The following GULP1 variants were observed in gnomAD, a reference collection of about 807,000 sequenced individuals.
GULP1 encodes PTB domain-containing engulfment adapter protein 1.
GULP1 carries 19 observed loss-of-function variants against 40.9 expected under a neutral mutation model. That is an observed-to-expected ratio of 0.46 (90% confidence interval 0.32 to 0.68). GULP1 has a LOEUF of 0.68. GULP1 is among the 30% of genes least tolerant of loss of function. GULP1 has a pLI of 0.03. For synonymous variants in GULP1, 119 were observed against 117.6 expected (o/e 1.01, Z -0.08); for missense variants, 312 against 362.2 (o/e 0.86, Z 1.12).
chr2:188,295,451 C>T (rs755873705), intron 1 of GULP1, among the ~76,000 whole-genome samples: 1 of 152,042 alleles, frequency 6.6e-6, no homozygotes, highest in Non-Finnish European at 1.5e-5. Flanking sequence ...CATTTATTGC[C>T]TATGTTTCTG....
chr2:188,566,571 G>A (rs981490659), intron 7 of GULP1, among the ~76,000 whole-genome samples: 2 of 151,828 alleles, frequency 1.3e-5, no homozygotes, highest in African/African-American at 4.8e-5. Flanking sequence ...CAAGGCGGGT[G>A]GATCACCTGT....
chr2:188,382,138 A>C (rs1380454934), intron 1 of GULP1, among the ~76,000 whole-genome samples: 1 of 152,156 alleles, frequency 6.6e-6, no homozygotes, highest in Non-Finnish European at 1.5e-5. Context: ...CAGACTGGCA[A>C]AATTTCTAAT....
At chr2:188,446,051 C>T (rs2058356972) in intron 2 of GULP1, among the ~76,000 whole-genome samples, 1 of 152,110 alleles carries the variant, frequency 6.6e-6, no homozygotes, top group Non-Finnish European at 1.5e-5. Flanking sequence ...CCACCATCTC[C>T]TAGAAAGGCT....
chr2:188,518,279 A>C (rs1024065927), intron 4 of GULP1, among the ~76,000 whole-genome samples: 1 of 152,192 alleles, frequency 6.6e-6, no homozygotes, highest in Non-Finnish European at 1.5e-5. Context: ...AGAGCCGACA[A>C]GAAGAAAAAA....
At chr2:188,462,274 G>A (rs2059769382) in intron 2 of GULP1, among the ~76,000 whole-genome samples, 1 of 151,952 alleles carries the variant, frequency 6.6e-6, no homozygotes, top group South Asian at 2.1e-4. Flanking sequence ...TTATTCCACT[G>A]TGGTCTGAAG....
At chr2:188,411,439 C>T (rs1239401587) in intron 2 of GULP1, among the ~76,000 whole-genome samples, 1 of 152,158 alleles carries the variant, frequency 6.6e-6, no homozygotes, top group Non-Finnish European at 1.5e-5. Context: ...CATGCCTAAC[C>T]TCCATCCCTG....
At chr2:188,469,340 G>T (rs1394750745) in intron 2 of GULP1, among the ~76,000 whole-genome samples, 1 of 152,164 alleles carries the variant, frequency 6.6e-6, no homozygotes, top group East Asian at 1.9e-4. Flanking sequence ...ACACAAAGGT[G>T]TGGGATAATT....
intron 1 of GULP1, among the ~76,000 whole-genome samples, chr2:188,375,311 A>C (rs1043942300): frequency 6.6e-6 from 1 of 152,242 alleles, no homozygotes; most frequent in Non-Finnish European, 1.5e-5. Context: ...AACTGTGGGA[A>C]ATTGGAAGAC....
chr2:188,510,738 A>T (rs546323660), intron 4 of GULP1, among the ~76,000 whole-genome samples: 1 of 151,958 alleles, frequency 6.6e-6, no homozygotes, highest in East Asian at 1.9e-4. Context: ...TGCAATGAGA[A>T]TTGCAAATAA....
chr2:188,434,214 C>T (rs575026717), intron 2 of GULP1, among the ~76,000 whole-genome samples: 2 of 151,954 alleles, frequency 1.3e-5, no homozygotes, highest in South Asian at 4.2e-4. Flanking sequence ...TTGTCTTCTA[C>T]CATAAATCAT....
intron 1 of GULP1, among the ~76,000 whole-genome samples, chr2:188,349,492 A>G (rs1388367827): frequency 1.3e-5 from 2 of 152,132 alleles, no homozygotes; most frequent in African/African-American, 4.8e-5. Context: ...CTGATGGCTA[A>G]TGATATTGGA....
intron 7 of GULP1, among the ~76,000 whole-genome samples, chr2:188,554,870 T>C (rs1694359046): frequency 6.6e-6 from 1 of 152,132 alleles, no homozygotes; most frequent in East Asian, 1.9e-4. Context: ...ATCGTCTCAC[T>C]GGATATATTC....
At chr2:188,593,715 T>A (rs1704043231) in intron 11 of GULP1, 2 of 352,518 alleles carry the variant, frequency 5.7e-6, no homozygotes, top group Non-Finnish European at 1.0e-5. Context: ...CTCTCATGCA[T>A]GCTAACCTCA....
intron 1 of GULP1, among the ~76,000 whole-genome samples, chr2:188,353,915 C>A (rs1265422965): frequency 6.6e-6 from 1 of 151,972 alleles, no homozygotes; most frequent in Non-Finnish European, 1.5e-5. Context: ...AGCAGCTGTA[C>A]ATCCCAGGGC....
chr2:188,369,261 G>A (rs1006032145), intron 1 of GULP1, among the ~76,000 whole-genome samples: 1 of 151,432 alleles, frequency 6.6e-6, no homozygotes, highest in Non-Finnish European at 1.5e-5. Flanking sequence ...ATGCCTGGCT[G>A]TAAAAAAAAT....
chr2:188,430,186 C>T (rs1275780175), intron 2 of GULP1, among the ~76,000 whole-genome samples: 2 of 152,138 alleles, frequency 1.3e-5, no homozygotes, highest in Admixed American at 1.3e-4. Context: ...TGTAAAATAA[C>T]AGTTATTCAT....
intron 1 of GULP1, among the ~76,000 whole-genome samples, chr2:188,368,117 T>G (rs1244007252): frequency 6.6e-6 from 1 of 152,180 alleles, no homozygotes; most frequent in Admixed American, 6.5e-5. Flanking sequence ...TTTGTAAGTA[T>G]GGTAAAAATT....
At chr2:188,466,296 C>CA (rs1005222230) in intron 2 of GULP1, among the ~76,000 whole-genome samples, 1 of 151,224 alleles carries the variant, frequency 6.6e-6, no homozygotes, top group African/African-American at 2.4e-5. Context: ...TTTTTTTCCC[C>CA]CCCCGGAGTC....
At chr2:188,489,674 T>C (rs2153088430) in intron 4 of GULP1, among the ~76,000 whole-genome samples, 1 of 152,174 alleles carries the variant, frequency 6.6e-6, no homozygotes, top group African/African-American at 2.4e-5. Flanking sequence ...TTGGAATTTT[T>C]GCTTTATGTG....
Sources: gnomAD v4.1 joint callset for allele counts (sites outside exome capture counted in the v4.1 genomes callset) on GRCh38, gnomAD v4.1.1 for gene constraint, MANE v1.5 for transcripts, NCBI Gene and HGNC (gene_info 2026-07-23, HGNC 2026-07-21) for gene names.